Variants in RCC1 observed in about 807,000 individuals in gnomAD.
The protein encoded by RCC1 is regulator of chromosome condensation.
In RCC1, 11 loss-of-function variants were observed where a neutral mutation model predicts 44.4. The ratio of observed to expected loss-of-function variants is 0.25; its 90% confidence interval spans 0.16 to 0.41. RCC1 has a LOEUF of 0.41. Among genes scored for constraint, RCC1 ranks in the 10% least tolerant of loss-of-function variants. The pLI is 1.00. For synonymous variants in RCC1, 213 were observed against 216.5 expected, an observed-to-expected ratio of 0.98 and a Z score of 0.14; for missense variants, 386 against 547.1, an observed-to-expected ratio of 0.71 and a Z score of 2.94.
At chr1:28,533,839 T>TCTTTA (rs1664351361) in intron 7 of RCC1, among the ~76,000 whole-genome samples, 1 of 124,130 alleles carries the variant, frequency 8.1e-6, no homozygotes. Context: ...TCTTTTCTTT[T>TCTTTA]CTTTTCTTTT....
intron 7 of RCC1, 152 bp downstream of exon 7, chr1:28,532,502 G>T: frequency 1.3e-6 from 1 of 783,080 alleles, no homozygotes. Flanking sequence ...CAGGACTCTA[G>T]CTTCCTCATG....
intron 4 of RCC1, among the ~76,000 whole-genome samples, chr1:28,517,201 C>CA (rs1444778420): frequency 4.6e-5 from 7 of 152,056 alleles, no homozygotes; most frequent in Admixed American, 4.6e-4. Flanking sequence ...TAGAATGACT[C>CA]AGAGTCTGAA....
rs747041552 is a variant in RCC1 at position 28,536,069 on chromosome 1, G to A, written c.817+43G>A. On this transcript the variant is annotated intron_variant, in intron 10 of 12. Transcript: ENST00000683442. This position sits in a 1 kb window ranked among gnomAD's most constrained non-coding sequence, Gnocchi z 4.9. Reference sequence around the variant, plus strand: ...CTTCAGGCATGACCCAGTGGCCTGCGTTCCTGTCCTGGCTCTGCCACTCAT... The same window carrying A: ...CTTCAGGCATGACCCAGTGGCCTGCATTCCTGTCCTGGCTCTGCCACTCAT... 47 of 1,570,350 alleles carry A rather than the reference G, an allele frequency of 3.0e-5. No individual in the cohort carries two copies. Among genetic ancestry groups the A allele is most frequent in the Non-Finnish European group, 2.0e-5 (23 of 1,156,470 alleles).
chr1:28,506,331 C>T lies in RCC1; in HGVS notation c.-262+247C>T, dbSNP rs180771311. 1.7e-3 allele frequency: 670 copies of T among 404,662 alleles called. 3 individuals carry two copies. Among genetic ancestry groups the T allele is most frequent in the African/African-American group, 0.013 (589 of 46,344 alleles). The allele number at this position is 404,662 out of a possible 1,614,324, so 25.1% of individuals were successfully genotyped here. On this transcript the variant is annotated intron_variant, in intron 1 of 12. Coordinates refer to ENST00000683442, the MANE Select transcript of RCC1 (RefSeq NM_001381865.2). ...TCTCCAGCAGCTGGGATTACAGGCA[C>T]GTGCCACCACGCCCGGCCAATTTTT...
chr1:28,507,297 C>A, intron 1 of RCC1: 3 of 500,888 alleles, frequency 6.0e-6, no homozygotes, highest in South Asian at 1.4e-5. Flanking sequence ...TGTTTAAGAT[C>A]TGTAGTAACA....
chr1:28,521,499 CAGAAAAA>C (rs1361322902), intron 4 of RCC1, among the ~76,000 whole-genome samples: 21 of 117,424 alleles, frequency 1.8e-4, no homozygotes, highest in African/African-American at 7.1e-4. Context: ...GACTCCACCT[CAGAAAAA>C]AAAAAAAAAA....
rs1380350156 is a variant in RCC1, at chr1:28,511,532, C to CT, written c.-153+2628dup. ...TACAGGTGCACGCCGCCACACCCGGCTAATTTTTTTGTATTTTTAGTAGAG... is the reference window on the plus strand; with the variant it reads ...TACAGGTGCACGCCGCCACACCCGGCTTAATTTTTTTGTATTTTTAGTAGAG... On this transcript the variant is annotated intron_variant, in intron 3 of 12. Coordinates refer to ENST00000683442, the MANE Select transcript of RCC1 (RefSeq NM_001381865.2). 3.0e-4 allele frequency among the ~76,000 whole-genome samples: 45 copies of CT among 151,978 alleles called. 1 individual carries two copies. The highest frequency in any genetic ancestry group is 9.9e-4 in the African/African-American group (41 of 41,478).
At chr1:28,510,370 GC>G (rs1342348596) in intron 3 of RCC1, 1 of 152,218 alleles carries the variant, frequency 6.6e-6, no homozygotes, top group Non-Finnish European at 1.5e-5. Context: ...AGGCTTGGTG[GC>G]TCACACCCGT....
At chr1:28,519,911 C>A (rs1044999413) in intron 4 of RCC1, among the ~76,000 whole-genome samples, 1 of 150,202 alleles carries the variant, frequency 6.7e-6, no homozygotes, top group Non-Finnish European at 1.5e-5. Flanking sequence ...CTTGGTCTAT[C>A]GCCCAGGCTG....
chr1:28,516,751 G>A lies in RCC1; in HGVS notation c.-126G>A. On this transcript the variant is annotated 5_prime_UTR_variant, in exon 4 of 13. Coordinates refer to ENST00000683442, the MANE Select transcript of RCC1 (RefSeq NM_001381865.2). ...TACATGAATGTGTAAGATCTTGGAG[G>A]AAGACAGCAGAGAGAGAGAGAGAGA... is the stretch of plus-strand genomic sequence containing the variant. 1 of 441,968 alleles carries A rather than the reference G, an allele frequency of 2.3e-6. No individual in the cohort carries two copies. The highest frequency in any genetic ancestry group is 4.5e-6 in the Non-Finnish European group (1 of 221,652). The allele number at this position is 441,968 out of a possible 1,614,324, so 27.4% of individuals were successfully genotyped here.
chr1:28,510,124 T>C (rs183069475), intron 3 of RCC1: 1 of 152,244 alleles, frequency 6.6e-6, no homozygotes, highest in East Asian at 1.9e-4. Flanking sequence ...CCTACTGGCA[T>C]AGGGGAGGTG....
At chr1:28,526,643 C>G in intron 4 of RCC1, 1 of 493,918 alleles carries the variant, frequency 2.0e-6, no homozygotes, top group Non-Finnish European at 3.7e-6. Flanking sequence ...CACCTGTAAT[C>G]CCAGCACTTT....
intron 1 of RCC1, chr1:28,507,259 G>A (rs1217584588): frequency 3.0e-5 from 14 of 472,564 alleles, no homozygotes; most frequent in Middle Eastern, 4.3e-4. Context: ...ACCCCACTGT[G>A]GACAGGGTGG....
intron 4 of RCC1, chr1:28,518,384 C>A (rs1031683417): frequency 5.3e-5 from 8 of 151,950 alleles, no homozygotes; most frequent in Admixed American, 3.3e-4. Context: ...GAGCACGGGC[C>A]GGTCCACGCG....
At chr1:28,517,161 C>A (rs958934393) in intron 4 of RCC1, among the ~76,000 whole-genome samples, 14 of 151,880 alleles carry the variant, frequency 9.2e-5, no homozygotes, top group African/African-American at 3.1e-4. Flanking sequence ...AAGAACTCAT[C>A]AAAAGTGTCC....
intron 4 of RCC1, among the ~76,000 whole-genome samples, chr1:28,529,433 C>T (rs1203900933): frequency 6.6e-6 from 1 of 151,974 alleles, no homozygotes; most frequent in Admixed American, 6.6e-5. Flanking sequence ...ATCCGCCCGC[C>T]CCGGCCTCCC....
At position 28,536,905 on chromosome 1, in the gene RCC1, T is replaced by C; in HGVS notation, c.1090+6T>C. 5.6e-6 allele frequency: 9 copies of C among 1,613,252 alleles called. No homozygotes were observed. Among genetic ancestry groups the C allele is most frequent in the Non-Finnish European group, 7.6e-6 (9 of 1,179,812 alleles). On this transcript the variant is annotated splice_donor_region_variant and intron_variant, in intron 12 of 12. Coordinates refer to ENST00000683442, the MANE Select transcript of RCC1 (RefSeq NM_001381865.2). The surrounding 1 kb of genome is among the most constrained non-coding windows in gnomAD (Gnocchi z 4.9). ...GTATGCTGTGACCAAGGATGGTGAG[T>C]GGGGCTGCCTACACTCTGTCTAGTT...
At chr1:28,515,757 AAAAT>A (rs1342001087) in intron 3 of RCC1, among the ~76,000 whole-genome samples, 1 of 151,752 alleles carries the variant, frequency 6.6e-6, no homozygotes, top group African/African-American at 2.4e-5. Flanking sequence ...TAAAAAAATA[AAAAT>A]AAAGGCCAGG....
intron 3 of RCC1, chr1:28,510,037 CT>C (rs1344523338): frequency 6.6e-6 from 1 of 152,226 alleles, no homozygotes; most frequent in East Asian, 1.9e-4. Context: ...GTCAAGCCCC[CT>C]GCACTGGCTG....
Sources: gnomAD v4.1 joint callset for allele counts (sites outside exome capture counted in the v4.1 genomes callset) on GRCh38, gnomAD v4.1.1 for gene constraint, Gnocchi (gnomAD v3.1) non-coding constraint, MANE v1.5 for transcripts, NCBI Gene and HGNC (gene_info 2026-07-23, HGNC 2026-07-21) for gene names.